The following RTL1 variants were observed in gnomAD, a reference collection of about 807,000 sequenced individuals.
RTL1 encodes retrotransposon-like protein 1.
For synonymous variants in RTL1, 727 were observed against 748.4 expected (o/e 0.97, Z 0.47); for missense variants, 1,681 against 1,767.5 (o/e 0.95, Z 0.88).
rs555778437 is a variant in RTL1 at position 100,883,455 on chromosome 14, T to C, written c.1334A>G (p.Glu445Gly). ...GNFMDEKFAQ[E>G]HYVELYEKPY... ...CTTCTCGTAGAGCTCGACGTAGTGC[T>C]CTTGGGCGAACTTCTCATCCATGAA... is the stretch of plus-strand genomic sequence containing the variant. Residue 445 changes from glutamate (E) to glycine (G), a missense_variant, in exon 4 of 4, where the codon GAG (glutamate) becomes GGG (glycine). Physicochemically the swap from Glu to Gly is moderately conservative, Grantham distance 98. Transcript: ENST00000649591. The surrounding 1 kb of genome is among the most constrained non-coding windows in gnomAD (Gnocchi z 5.9). 432 of 1,551,116 alleles carry C rather than the reference T, an allele frequency of 2.8e-4. 6 individuals are homozygous for C. The South Asian group carries it at 2.8e-3, about 10-fold the overall frequency.
At position 100,884,875 on chromosome 14, in the gene RTL1, CTGG is replaced by C; in HGVS notation, c.-86-4_-86-2del. The C allele has an allele frequency of 7.7e-7, 1 of 1,292,456 alleles. No individual in the cohort carries two copies. Among genetic ancestry groups the C allele is most frequent in the Non-Finnish European group, 1.1e-6 (1 of 944,388 alleles). The allele number at this position is 1,292,456 out of a possible 1,614,324, so 80.1% of individuals were successfully genotyped here. On this transcript the variant is annotated splice_acceptor_variant and splice_polypyrimidine_tract_variant and intron_variant, in intron 3 of 3. Transcript: ENST00000649591. LOFTEE classifies it low-confidence loss of function (5UTR_SPLICE). ...TAGCTGGGACCGTGGAGATCAGAAC[CTGG>C]TGGTGGAAGGGGAGTGTGGGGAGTA...
intron 3 of RTL1, among the ~76,000 whole-genome samples, chr14:100,888,728 C>A (rs1566756840): frequency 6.6e-6 from 1 of 152,182 alleles, no homozygotes; most frequent in Non-Finnish European, 1.5e-5. Flanking sequence ...TTGGCTAAAT[C>A]AAATTCCTTG....
chr14:100,882,722 C>A lies in RTL1; in HGVS notation c.2067G>T (p.Ala689=), dbSNP rs1042510627. Residue 689 remains alanine (A), a synonymous_variant, in exon 4 of 4, where the codon GCG becomes GCT. Coordinates refer to ENST00000649591, the MANE Select transcript of RTL1 (RefSeq NM_001134888.3). ...TCATCTCTTCAAGCTCCAAACCAAA[C>A]GCTGCTTTCCACACATCTTCGGTGC... ...GHRTEDVWKA[A]FGLELEEMKS... 6 of 1,551,856 alleles carry A rather than the reference C, an allele frequency of 3.9e-6. No homozygotes were observed. In the South Asian group the frequency reaches 5.9e-5, roughly 15 times the overall value.
chr14:100,891,533 G>A (rs2038778303), intron 3 of RTL1, among the ~76,000 whole-genome samples: 1 of 152,190 alleles, frequency 6.6e-6, no homozygotes, highest in African/African-American at 2.4e-5. Context: ...GAGTGCCTGG[G>A]CCCAGCAGCG....
intron 2 of RTL1, among the ~76,000 whole-genome samples, chr14:100,900,388 T>C (rs534134895): frequency 1.3e-3 from 205 of 152,362 alleles, no homozygotes; most frequent in African/African-American, 4.9e-3. Context: ...TCGGCCGCTG[T>C]GAACAAAGGC....
intron 2 of RTL1, among the ~76,000 whole-genome samples, chr14:100,896,752 A>G (rs1384368483): frequency 4.6e-5 from 7 of 152,150 alleles, no homozygotes; most frequent in Non-Finnish European, 8.8e-5. Flanking sequence ...GTCGGGAAGA[A>G]ACATGGCAGT....
intron 3 of RTL1, among the ~76,000 whole-genome samples, chr14:100,886,960 A>G (rs1185692820): frequency 1.3e-5 from 2 of 152,224 alleles, no homozygotes; most frequent in African/African-American, 4.8e-5. Context: ...TCCTGCCTTC[A>G]GCTCAAAATC....
At chr14:100,895,291 G>A (rs1432840156) in intron 2 of RTL1, among the ~76,000 whole-genome samples, 1 of 152,106 alleles carries the variant, frequency 6.6e-6, no homozygotes, top group African/African-American at 2.4e-5. Flanking sequence ...ATCTGCTTAG[G>A]GGAGATGGAT....
Position 100,881,270 on chromosome 14 carries a change from C to T in RTL1, c.3519G>A (p.Trp1173Ter), listed in dbSNP as rs1172191785. The change falls in exon 4 of 4, where the codon TGG becomes TGA. Residue 1173 changes from tryptophan to a stop codon, truncating the protein, a stop_gained. Coordinates refer to ENST00000649591, the MANE Select transcript of RTL1 (RefSeq NM_001134888.3). LOFTEE classifies it low-confidence loss of function (END_TRUNC). This position sits in a 1 kb window ranked among gnomAD's most constrained non-coding sequence, Gnocchi z 6.6. ...LAELFLGPGR[W>*]QRNALHSQAH... ...CCTGGGAGTGCAGAGCATTTCGCTG[C>T]CAGCGGCCAGGGCCCAGGAACAGCT... The T allele has an allele frequency of 7.7e-6, 12 of 1,549,896 alleles. No individual in the cohort carries two copies. Among genetic ancestry groups the T allele is most frequent in the Non-Finnish European group, 1.0e-5 (12 of 1,146,730 alleles).
At chr14:100,902,081 C>G (rs982504380) in intron 2 of RTL1, among the ~76,000 whole-genome samples, 9 of 152,208 alleles carry the variant, frequency 5.9e-5, no homozygotes, top group African/African-American at 1.9e-4. Context: ...CAAGCACTGG[C>G]CTGCCTCTCT....
rs995283861 is a variant in RTL1 at position 100,882,671 on chromosome 14, G to T, written c.2118C>A (p.Ser706=). ...CGTTCTGAGGTATGATAGGGTCTGG[G>T]GAGAGCGCAAACGGCTGGTAGCTCT... ...EMKSYQPFAL[S]PDPIIPQNVI... is the part of the protein sequence containing the mutation. The change falls in exon 4 of 4, where the codon TCC becomes TCA. Residue 706 remains serine, a synonymous_variant. Transcript: ENST00000649591. 9 of 1,551,880 alleles carry T rather than the reference G, an allele frequency of 5.8e-6. No individual in the cohort carries two copies. The highest frequency in any genetic ancestry group is 1.7e-4 in the Middle Eastern group (1 of 6,016).
intron 2 of RTL1, among the ~76,000 whole-genome samples, chr14:100,895,619 G>C (rs76457333): frequency 0.027 from 4,098 of 152,216 alleles, 179 homozygotes; most frequent in African/African-American, 0.091. Context: ...TGAGGTTGCA[G>C]AGGGCATTTT....
chr14:100,889,918 C>T (rs2038746275), intron 3 of RTL1, among the ~76,000 whole-genome samples: 1 of 152,150 alleles, frequency 6.6e-6, no homozygotes, highest in African/African-American at 2.4e-5. Context: ...ACCTGCCTAC[C>T]AGCTGGCCTG....
In RTL1 at chr14:100,881,784, C is replaced by G; in HGVS notation, c.3005G>C (p.Arg1002Thr). ...GGCAGTGTTCCTCTGGAAGGCTCTCCTCCACCGGAGGTTTCTCACAGGTGG... is the reference window on the plus strand; with the variant it reads ...GGCAGTGTTCCTCTGGAAGGCTCTCGTCCACCGGAGGTTTCTCACAGGTGG... ...ALPPVRNLRW[R>T]RAFQRNTAAR... Residue 1002 changes from arginine (R) to threonine (T), a missense_variant, in exon 4 of 4, where the codon AGG (arginine) becomes ACG (threonine). Coordinates refer to ENST00000649591, the MANE Select transcript of RTL1 (RefSeq NM_001134888.3). The surrounding 1 kb of genome is among the most constrained non-coding windows in gnomAD (Gnocchi z 6.6). The G allele has an allele frequency of 6.2e-7, 1 of 1,613,942 alleles. No homozygotes were observed. The highest frequency in any genetic ancestry group is 1.1e-5 in the South Asian group (1 of 91,084).
chr14:100,899,731 CAT>C (rs1334599010), intron 2 of RTL1, among the ~76,000 whole-genome samples: 1 of 150,236 alleles, frequency 6.7e-6, no homozygotes, highest in African/African-American at 2.4e-5. Flanking sequence ...AAAAAGGACT[CAT>C]AATCTCTCTC....
At position 100,884,682 on chromosome 14, in the gene RTL1, G is replaced by T. The variant is rs558479909; in HGVS notation, c.107C>A (p.Thr36Lys). The T allele has an allele frequency of 2.5e-5, 41 of 1,613,700 alleles. No individual in the cohort carries two copies. The African/African-American group carries it at 4.1e-4, about 16-fold the overall frequency. Reference protein sequence around the residue: ...SEGSSNTTEATSGSGVRGEAG... With the variant: ...SEGSSNTTEAKSGSGVRGEAG... ...CTCTCCCCGCACTCCACTGCCCGAC[G>T]TCGCCTCGGTGGTGTTGGATGAGCC... Residue 36 changes from threonine (T) to lysine (K), a missense_variant, in exon 4 of 4, where the codon ACG becomes AAG. Transcript: ENST00000649591.
chr14:100,883,623 C>G lies in RTL1; in HGVS notation c.1166G>C (p.Arg389Thr). The G allele has an allele frequency of 6.4e-7, 1 of 1,551,474 alleles. No homozygotes were observed. The highest frequency in any genetic ancestry group is 8.7e-7 in the Non-Finnish European group (1 of 1,146,980). The change falls in exon 4 of 4, where the codon AGG (arginine) becomes ACG (threonine). Residue 389 changes from arginine (R) to threonine (T), a missense_variant. Transcript: ENST00000649591. The surrounding 1 kb of genome is among the most constrained non-coding windows in gnomAD (Gnocchi z 5.9). Reference sequence around the variant, plus strand: ...GGGCAACCAGCTGCTGACCATCCACCTCTCTGGAGCAGGTGAGTCGATCCA... The same window carrying G: ...GGGCAACCAGCTGCTGACCATCCACGTCTCTGGAGCAGGTGAGTCGATCCA... The part of the protein sequence containing the change: ...LTWIDSPAPE[R>T]WMVSSWLPSE...
At chr14:100,885,625 C>G (rs1254142427) in intron 3 of RTL1, among the ~76,000 whole-genome samples, 1 of 150,994 alleles carries the variant, frequency 6.6e-6, no homozygotes, top group African/African-American at 2.4e-5. Context: ...GCCAATTTCT[C>G]TTTCTCGATT....
In RTL1 at chr14:100,896,070, C is replaced by CA. The variant is rs10638500; in HGVS notation, c.-148-2566dup. On this transcript the variant is annotated intron_variant, in intron 2 of 3. Transcript: ENST00000649591. ...CCTGGGTGACAGCAAGACTCCGTCT[C>CA]AAAAAAAAAAAAAAGAAAGAAAAAT... is the stretch of plus-strand genomic sequence containing the variant. Among the ~76,000 whole-genome samples, 1,126 of 120,116 alleles carry CA rather than the reference C, an allele frequency of 9.4e-3. 14 individuals are homozygous for CA. The highest frequency in any genetic ancestry group is 0.029 in the African/African-American group (891 of 30,760). 78.8% of individuals were successfully genotyped at this position (120,116 alleles called of 152,430 possible). A position where few individuals can be genotyped will look rare whatever the true frequency, so the allele number is the denominator to read the frequency against.
Sources: allele counts gnomAD v4.1 joint callset (sites outside exome capture counted in the v4.1 genomes callset), GRCh38; gene constraint gnomAD v4.1.1; non-coding constraint Gnocchi (gnomAD v3.1); transcripts MANE v1.5; gene names NCBI Gene and HGNC (gene_info 2026-07-23, HGNC 2026-07-21).